Variants in CORO1C observed in about 807,000 individuals in gnomAD.
CORO1C encodes coronin 1C, also known as coronin-1C.
A neutral mutation model predicts 51.2 loss-of-function variants in CORO1C; 14 were observed. The observed-to-expected ratio is 0.27, with a 90% confidence interval of 0.18 to 0.43. CORO1C has a LOEUF of 0.43. CORO1C is among the 20% of genes least tolerant of loss of function. The pLI, the probability that CORO1C is intolerant of heterozygous loss-of-function variation, is 1.00. For missense variants in CORO1C, 417 were observed against 607.8 expected (o/e 0.69, Z 3.30); for synonymous variants, 181 against 210.5 (o/e 0.86, Z 1.21).
chr12:108,691,907 C>G (rs2034510035), intron 2 of CORO1C, among the ~76,000 whole-genome samples: 1 of 152,156 alleles, frequency 6.6e-6, no homozygotes, highest in South Asian at 2.1e-4. Flanking sequence ...TCACTGTCAT[C>G]AAAAATAGCC....
chr12:108,673,259 G>A (rs1455649244), intron 3 of CORO1C, among the ~76,000 whole-genome samples: 1 of 152,158 alleles, frequency 6.6e-6, no homozygotes, highest in African/African-American at 2.4e-5. Flanking sequence ...TTGTTTTAGT[G>A]GTCTGGATAG....
At chr12:108,651,325 G>T (rs1473066425) in intron 8 of CORO1C, among the ~76,000 whole-genome samples, 1 of 152,158 alleles carries the variant, frequency 6.6e-6, no homozygotes, top group Non-Finnish European at 1.5e-5. Flanking sequence ...GTTTGAAATG[G>T]CCAGTGGTCA....
chr12:108,710,071 T>TG (rs138831397), intron 1 of CORO1C, among the ~76,000 whole-genome samples: 166 of 152,318 alleles, frequency 1.1e-3, no homozygotes, highest in African/African-American at 3.8e-3. Flanking sequence ...AAACCTTACT[T>TG]GTCTTTTTAA....
At chr12:108,656,525 C>G (rs1340547383) in intron 6 of CORO1C, among the ~76,000 whole-genome samples, 1 of 152,204 alleles carries the variant, frequency 6.6e-6, no homozygotes, top group African/African-American at 2.4e-5. Context: ...CCCCTCTGCC[C>G]GGCCACCATC....
At position 108,721,770 on chromosome 12, in the gene CORO1C, ACAGGACGAGTGCC is replaced by A. The variant is rs377594652; in HGVS notation, c.-6+9646_-6+9658del. On this transcript the variant is annotated intron_variant, in intron 1 of 10. Coordinates refer to ENST00000261401, the MANE Select transcript of CORO1C (RefSeq NM_014325.4). The stretch of plus-strand genomic sequence containing the variant: ...AGTTTATAAAAGAATAGAAAAATAG[ACAGGACGAGTGCC>A]CAGCTCTGGCCATTATAAGATGCCC... Among the ~76,000 whole-genome samples, 886 of 152,208 alleles carry A rather than the reference ACAGGACGAGTGCC, an allele frequency of 5.8e-3. 10 individuals are homozygous for A. Among genetic ancestry groups the A allele is most frequent in the African/African-American group, 0.02 (840 of 41,522 alleles).
chr12:108,648,506 C>T, intron 10 of CORO1C, 99 bp downstream of exon 10: 5 of 1,516,712 alleles, frequency 3.3e-6, no homozygotes, highest in Non-Finnish European at 3.6e-6. Context: ...CCCTGAGCAC[C>T]CAGCTGGGAC....
chr12:108,723,562 T>C (rs1027376854), intron 1 of CORO1C, among the ~76,000 whole-genome samples: 1 of 152,224 alleles, frequency 6.6e-6, no homozygotes, highest in Non-Finnish European at 1.5e-5. Flanking sequence ...GCTTTGTTCA[T>C]CCAGAATGAA....
chr12:108,703,102 C>T (rs930468694), intron 1 of CORO1C: 9 of 620,008 alleles, frequency 1.5e-5, no homozygotes, highest in African/African-American at 9.4e-5. Flanking sequence ...CAAAAGCCAA[C>T]GTACAGCCAG....
chr12:108,709,132 C>T (rs1448090513), intron 1 of CORO1C, among the ~76,000 whole-genome samples: 1 of 151,928 alleles, frequency 6.6e-6, no homozygotes, highest in Non-Finnish European at 1.5e-5. Context: ...TATATATATA[C>T]TATAAACCGC....
chr12:108,695,836 C>A (rs1592918694), intron 2 of CORO1C, among the ~76,000 whole-genome samples: 1 of 134,724 alleles, frequency 7.4e-6, no homozygotes, highest in Non-Finnish European at 1.5e-5. Context: ...GGCTATGTAT[C>A]ACCCTTGGGA....
chr12:108,661,078 G>A (rs946851965), intron 4 of CORO1C, among the ~76,000 whole-genome samples: 2 of 151,990 alleles, frequency 1.3e-5, no homozygotes, highest in African/African-American at 2.4e-5. Context: ...ACAATACAAT[G>A]CACCCATTTT....
At chr12:108,669,670 C>T (rs1310858457) in intron 3 of CORO1C, among the ~76,000 whole-genome samples, 7 of 78,874 alleles carry the variant, frequency 8.9e-5, no homozygotes, top group African/African-American at 3.8e-4. Context: ...AGAGCTTTTC[C>T]GTTAAAAAAA....
At chr12:108,687,513 A>C (rs1592903992) in intron 2 of CORO1C, among the ~76,000 whole-genome samples, 1 of 151,720 alleles carries the variant, frequency 6.6e-6, no homozygotes, top group African/African-American at 2.4e-5. Context: ...GGCCAGGTGC[A>C]GTGGCTCACG....
intron 1 of CORO1C, among the ~76,000 whole-genome samples, chr12:108,707,605 C>T (rs1259985991): frequency 6.6e-6 from 1 of 152,122 alleles, no homozygotes. Flanking sequence ...ACACCAAAAG[C>T]ACAAGCAACA....
chr12:108,648,176 C>T (rs1007678794), intron 10 of CORO1C, among the ~76,000 whole-genome samples: 1 of 152,176 alleles, frequency 6.6e-6, no homozygotes, highest in Non-Finnish European at 1.5e-5. Flanking sequence ...TACATCTGAA[C>T]ACGTGCCACT....
At chr12:108,697,313 T>C (rs10746129) in intron 2 of CORO1C, among the ~76,000 whole-genome samples, 74,384 of 151,938 alleles carry the variant, frequency 0.49, 18,604 homozygotes, top group South Asian at 0.69. Context: ...TGCCTGTCTA[T>C]AACCAGAAAC....
intron 2 of CORO1C, among the ~76,000 whole-genome samples, chr12:108,698,115 C>G (rs1486164801): frequency 6.6e-6 from 1 of 152,210 alleles, no homozygotes; most frequent in Non-Finnish European, 1.5e-5. Context: ...GGGCCAAGCC[C>G]TGCCATAGCA....
At chr12:108,710,086 T>C (rs1255879160) in intron 1 of CORO1C, among the ~76,000 whole-genome samples, 1 of 152,236 alleles carries the variant, frequency 6.6e-6, no homozygotes, top group Non-Finnish European at 1.5e-5. Context: ...TTTTAAGATG[T>C]AATTTATCAC....
chr12:108,701,023 G>T (rs1412422449), intron 2 of CORO1C, 101 bp downstream of exon 2: 12 of 1,297,624 alleles, frequency 9.2e-6, no homozygotes, highest in Non-Finnish European at 1.3e-5. Context: ...AGAGTCTAAT[G>T]GTTTCACAAA....
Sources: allele counts gnomAD v4.1 joint callset (sites outside exome capture counted in the v4.1 genomes callset), GRCh38; gene constraint gnomAD v4.1.1; transcripts MANE v1.5; gene names NCBI Gene and HGNC (gene_info 2026-07-23, HGNC 2026-07-21).